Variants in NUDT6 observed in about 807,000 individuals in gnomAD.
NUDT6 encodes the protein nudix hydrolase 6.
Under a neutral mutation model 36.8 loss-of-function variants are expected in NUDT6, and 24 were observed. The observed-to-expected ratio is 0.65, with a 90% CI of 0.47 to 0.92. The LOEUF (loss-of-function observed/expected upper bound fraction) is 0.92, where lower values mean the gene tolerates loss of function less well. Ranked by LOEUF, NUDT6 falls within the 40% of genes least tolerant of loss-of-function variation. The pLI is 0.00. For synonymous variants in NUDT6, 163 were observed against 157.0 expected (o/e 1.04, Z -0.29); for missense variants, 388 against 392.8 (o/e 0.99, Z 0.10).
At chr4:122,922,800 C>G, upstream of NUDT6, 1 of 579,782 alleles carries the variant, frequency 1.7e-6, no homozygotes, top group Non-Finnish European at 3.0e-6. Flanking sequence ...CCGCCACTCA[C>G]TTATTTTGTT....
In NUDT6 at chr4:122,922,380, C is replaced by T; in HGVS notation, c.193G>A (p.Ala65Thr). ...GISVRLARLD[A>T]LDRLDAAAFQ... ...GCGGCAGCGTCCAGGCGGTCCAGCGCATCGAGCCGCGCCAGGCGCACCGAG... is the reference window on the plus strand; with the variant it reads ...GCGGCAGCGTCCAGGCGGTCCAGCGTATCGAGCCGCGCCAGGCGCACCGAG... The change falls in exon 1 of 5, where the codon GCG becomes ACG. Residue 65 changes from alanine to threonine, a missense_variant. Coordinates refer to ENST00000304430, the MANE Select transcript of NUDT6 (RefSeq NM_007083.5). 6.2e-7 allele frequency: 1 copy of T among 1,607,166 alleles called. No homozygotes were observed. The highest frequency in any genetic ancestry group is 8.5e-7 in the Non-Finnish European group (1 of 1,179,522).
chr4:122,900,174 C>A (rs185205878), intron 3 of NUDT6, among the ~76,000 whole-genome samples: 78 of 151,552 alleles, frequency 5.1e-4, no homozygotes, highest in African/African-American at 1.9e-3. Flanking sequence ...AGCTTTCAGG[C>A]ACCAGGTAAG....
At chr4:122,907,779 C>T (rs1966277) in intron 3 of NUDT6, among the ~76,000 whole-genome samples, 68,982 of 151,816 alleles carry the variant, frequency 0.45, 17,571 homozygotes, top group Non-Finnish European at 0.57. Context: ...CTTGCTTTCA[C>T]TTTACGGATT....
At chr4:122,917,747 G>A (rs756339342) in intron 1 of NUDT6, 43 bp from the exon 2 acceptor site, 8 of 1,576,266 alleles carry the variant, frequency 5.1e-6, no homozygotes, top group South Asian at 3.4e-5. Context: ...CCAAAGAGAC[G>A]AGTGGAATAA....
intron 3 of NUDT6, among the ~76,000 whole-genome samples, chr4:122,910,089 C>T (rs541605227): frequency 6.6e-6 from 1 of 152,176 alleles, no homozygotes; most frequent in East Asian, 1.9e-4. Context: ...AACAGAGAAC[C>T]ATAAAAGTTT....
intron 3 of NUDT6, among the ~76,000 whole-genome samples, chr4:122,899,325 A>G (rs1351282856): frequency 5.3e-5 from 8 of 152,138 alleles, no homozygotes; most frequent in Non-Finnish European, 1.5e-5. Context: ...TAGAAGGGGG[A>G]AAATGCTAGA....
At position 122,892,891 on chromosome 4, in the gene NUDT6, C is replaced by T. The variant is rs1727226942; in HGVS notation, c.888G>A (p.Leu296=). 1.2e-6 allele frequency: 2 copies of T among 1,613,522 alleles called. No individual in the cohort carries two copies. Among genetic ancestry groups the T allele is most frequent in the South Asian group, 2.2e-5 (2 of 91,036 alleles). The part of the protein sequence containing the change: ...VEELPAVYTG[L]FYKLYHKELP... ...GTTCCTTATGATAGAGTTTATAAAA[C>T]AGTCCTGTGTAAACTGCTGGAAGTT... The change falls in exon 5 of 5, where the codon CTG becomes CTA. Residue 296 remains leucine, a synonymous_variant. Coordinates refer to ENST00000304430, the MANE Select transcript of NUDT6 (RefSeq NM_007083.5).
chr4:122,900,513 A>G (rs531337689), intron 3 of NUDT6, among the ~76,000 whole-genome samples: 1 of 151,720 alleles, frequency 6.6e-6, no homozygotes, highest in Non-Finnish European at 1.5e-5. Context: ...CTCCCATGAG[A>G]GGCTATAATT....
chr4:122,895,676 G>A (rs1159924325), intron 4 of NUDT6: 1 of 152,164 alleles, frequency 6.6e-6, no homozygotes, highest in Non-Finnish European at 1.5e-5. Context: ...CAAAAGCCTT[G>A]AGGATTGCAT....
intron 2 of NUDT6, among the ~76,000 whole-genome samples, chr4:122,914,386 C>T (rs1171782844): frequency 2.6e-5 from 4 of 152,154 alleles, no homozygotes; most frequent in South Asian, 2.1e-4. Context: ...AGGAAACTTA[C>T]TCTTAAATTT....
chr4:122,919,323 T>A (rs1307394329), intron 1 of NUDT6: 3 of 152,296 alleles, frequency 2.0e-5, no homozygotes, highest in Non-Finnish European at 2.9e-5. Context: ...TTCAAGCGAT[T>A]CTCCTGTCTC....
chr4:122,921,963 G>A lies in NUDT6; in HGVS notation c.238+372C>T, dbSNP rs144571696. 7.4e-5 allele frequency: 16 copies of A among 217,356 alleles called. No homozygotes were observed. In the East Asian group the frequency reaches 1.6e-3, roughly 22 times the overall value. 13.5% of individuals were successfully genotyped at this position (217,356 alleles called of 1,614,324 possible). On this transcript the variant is annotated intron_variant, in intron 1 of 4. Transcript: ENST00000304430. ...GCTTTAAATACGTGGCAGGCACTGT[G>A]CTGTGCACTTTATGTGCATTATCCA...
Position 122,922,418 on chromosome 4 carries a change from CT to C in NUDT6, c.154del (p.Arg52AspfsTer74). On this transcript the variant is annotated frameshift_variant, in exon 1 of 5. Transcript: ENST00000304430. LOFTEE classifies it high-confidence loss of function. ...CAGGCGCACCGAGATGCCCCCGAAT[CT>C]GTCCAGCTCGCCCTGCAGATCGCAC... ...GACDLQGELD[R>X]FGGISVRLAR... is the part of the protein sequence containing the mutation. 6.2e-7 allele frequency: 1 copy of C among 1,611,758 alleles called. No individual in the cohort carries two copies. Among genetic ancestry groups the C allele is most frequent in the Non-Finnish European group, 8.5e-7 (1 of 1,179,878 alleles).
chr4:122,920,953 G>A (rs2150812062), intron 1 of NUDT6: 1 of 152,266 alleles, frequency 6.6e-6, no homozygotes. Flanking sequence ...AGATTATTTT[G>A]AGTTTCCAGT....
At chr4:122,920,347 A>C (rs1414691594) in intron 1 of NUDT6, 2 of 152,182 alleles carry the variant, frequency 1.3e-5, no homozygotes, top group African/African-American at 4.8e-5. Flanking sequence ...TAGGAATAAT[A>C]ATGCTATCTA....
At chr4:122,897,571 A>T in intron 4 of NUDT6, 53 bp downstream of exon 4, 6 of 1,226,886 alleles carry the variant, frequency 4.9e-6, no homozygotes, top group Non-Finnish European at 7.2e-6. Context: ...GAAAGTAAAC[A>T]CATTAATTTC....
intron 3 of NUDT6, among the ~76,000 whole-genome samples, chr4:122,910,201 A>G (rs558172714): frequency 6.6e-6 from 1 of 152,272 alleles, no homozygotes; most frequent in Admixed American, 6.5e-5. Context: ...TTTCAATTAC[A>G]TATTTCAAGT....
intron 3 of NUDT6, chr4:122,898,046 A>T (rs183971761): frequency 2.3e-5 from 4 of 174,138 alleles, no homozygotes; most frequent in Non-Finnish European, 1.2e-5. Context: ...TGCTGCTATA[A>T]ATAAGTAGAA....
Position 122,892,788 on chromosome 4 carries a change from A to C in NUDT6, c.*40T>G, listed in dbSNP as rs1015931553. 1 of 1,478,004 alleles carries C rather than the reference A, an allele frequency of 6.8e-7. No homozygotes were observed. Among genetic ancestry groups the C allele is most frequent in the African/African-American group, 1.4e-5 (1 of 71,396 alleles). 91.6% of individuals were successfully genotyped at this position (1,478,004 alleles called of 1,614,324 possible). A position where few individuals can be genotyped will look rare whatever the true frequency, so the allele number is the denominator to read the frequency against. On this transcript the variant is annotated 3_prime_UTR_variant, in exon 5 of 5. Transcript: ENST00000304430. ...CAAAATGTCCACTATTTCTTATGTC[A>C]TTCGTTAGTCTACATGTTTCTAAAC...
Sources: gnomAD v4.1 joint callset for allele counts (sites outside exome capture counted in the v4.1 genomes callset) on GRCh38, gnomAD v4.1.1 for gene constraint, MANE v1.5 for transcripts, NCBI Gene and HGNC (gene_info 2026-07-23, HGNC 2026-07-21) for gene names.